RPH3AL: variants seen among roughly 807,000 people sequenced by gnomAD.
RPH3AL encodes the protein rabphilin 3A like (without C2 domains).
Under a neutral mutation model 43.1 loss-of-function variants are expected in RPH3AL, and 38 were observed. The observed-to-expected ratio is 0.88, with a 90% confidence interval of 0.68 to 1.15. The LOEUF is 1.15. RPH3AL is among the 50% of genes most tolerant of loss of function. The pLI, the probability that RPH3AL is intolerant of heterozygous loss-of-function variation, is 0.00. For synonymous variants in RPH3AL, 189 were observed against 176.3 expected, an observed-to-expected ratio of 1.07 and a Z score of -0.57; for missense variants, 462 against 423.2, an observed-to-expected ratio of 1.09 and a Z score of -0.81.
chr17:284,976 C>T (rs2042871184), intron 5 of RPH3AL, among the ~76,000 whole-genome samples: 1 of 152,198 alleles, frequency 6.6e-6, no homozygotes, highest in Admixed American at 6.5e-5. Context: ...TCCCCAGGGT[C>T]CCACCCTCAG....
At chr17:251,906 C>T (rs146115039) in intron 6 of RPH3AL, among the ~76,000 whole-genome samples, 214 of 152,250 alleles carry the variant, frequency 1.4e-3, no homozygotes, top group Middle Eastern at 0.014. Context: ...CGGCGGGGCC[C>T]GTGCAGGCTT....
chr17:283,036 G>A lies in RPH3AL; in HGVS notation c.352-1182C>T, dbSNP rs1167934693. Among the ~76,000 whole-genome samples the A allele has an allele frequency of 1.3e-5, 2 of 152,184 alleles. No individual in the cohort carries two copies. Among genetic ancestry groups the A allele is most frequent in the Admixed American group, 6.5e-5 (1 of 15,274 alleles). The stretch of plus-strand genomic sequence containing the variant: ...AGGTGGATGTGTTGGGGCTGAGACC[G>A]GCTCCAGGCTAACCCAGGCAGAGTC... On this transcript the variant is annotated intron_variant, in intron 5 of 9. Coordinates refer to ENST00000331302, the MANE Select transcript of RPH3AL (RefSeq NM_006987.4). This position sits in a 1 kb window ranked among gnomAD's most constrained non-coding sequence, Gnocchi z 4.2.
intron 8 of RPH3AL, among the ~76,000 whole-genome samples, chr17:219,192 C>CATTTT (rs2040886596): frequency 1.7e-5 from 1 of 58,018 alleles, no homozygotes; most frequent in Non-Finnish European, 2.8e-5. Flanking sequence ...ATAAACAGCA[C>CATTTT]TTTTTTTTTT....
chr17:244,890 C>G (rs1432120721), intron 7 of RPH3AL, among the ~76,000 whole-genome samples: 1 of 151,650 alleles, frequency 6.6e-6, no homozygotes, highest in Admixed American at 6.6e-5. Context: ...AGTGTGTGTG[C>G]GTGTGAATCA....
At chr17:251,773 G>A (rs557376021) in intron 6 of RPH3AL, among the ~76,000 whole-genome samples, 4 of 152,314 alleles carry the variant, frequency 2.6e-5, no homozygotes, top group South Asian at 2.1e-4. Flanking sequence ...GGCTCGCTAC[G>A]CCTCCCTCTG....
At chr17:271,126 T>C (rs1357935862) in intron 6 of RPH3AL, among the ~76,000 whole-genome samples, 1 of 152,204 alleles carries the variant, frequency 6.6e-6, no homozygotes, top group Non-Finnish European at 1.5e-5. Context: ...TTGTGTTCCA[T>C]TGGTCTATAT....
Position 219,507 on chromosome 17 carries a change from A to ATTTCT in RPH3AL, c.727+111_727+115dup, listed in dbSNP as rs1284648014. 6 of 365,152 alleles carry ATTTCT rather than the reference A, an allele frequency of 1.6e-5. 2 individuals are homozygous for ATTTCT. The South Asian group carries it at 1.9e-4, about 12-fold the overall frequency. The allele number at this position is 365,152 out of a possible 1,614,324, so 22.6% of individuals were successfully genotyped here. On this transcript the variant is annotated intron_variant, in intron 8 of 9. Coordinates refer to ENST00000331302, the MANE Select transcript of RPH3AL (RefSeq NM_006987.4). ...CCACTGTGCCCGGCCTAATAGTTTCATTTCTTTTCTTTTTCTTCCTTTTTT... is the reference window on the plus strand; with the variant it reads ...CCACTGTGCCCGGCCTAATAGTTTCATTTCTTTTCTTTTCTTTTTCTTCCTTTTTT...
chr17:246,555 C>T lies in RPH3AL; in HGVS notation c.613+556G>A, dbSNP rs555729498. Among the ~76,000 whole-genome samples the T allele has an allele frequency of 2.6e-5, 4 of 152,280 alleles. No homozygotes were observed. Among genetic ancestry groups the T allele is most frequent in the Middle Eastern group, 3.4e-3 (1 of 294 alleles). On this transcript the variant is annotated intron_variant, in intron 7 of 9. Transcript: ENST00000331302. This position sits in a 1 kb window ranked among gnomAD's most constrained non-coding sequence, Gnocchi z 4.8. ...AAACATCAAAGCATCATGAAAGCTG[C>T]GGAGAACGGTCCACAACCAGGCGCC...
chr17:260,662 T>C (rs981855378), intron 6 of RPH3AL, among the ~76,000 whole-genome samples: 5 of 152,180 alleles, frequency 3.3e-5, no homozygotes, highest in Admixed American at 1.3e-4. Context: ...CAACCCTCTC[T>C]GGCAGAGGAG....
intron 1 of RPH3AL, among the ~76,000 whole-genome samples, chr17:348,074 C>T (rs1324112287): frequency 7.3e-6 from 1 of 136,698 alleles, no homozygotes; most frequent in East Asian, 2.1e-4. Flanking sequence ...TGGGGCAACC[C>T]TTCTCTGCAA....
At chr17:336,548 C>T (rs138097611) in intron 1 of RPH3AL, among the ~76,000 whole-genome samples, 10 of 152,292 alleles carry the variant, frequency 6.6e-5, no homozygotes, top group East Asian at 1.9e-4. Context: ...TTGCCCAGAC[C>T]GTGGCAAATC....
intron 5 of RPH3AL, among the ~76,000 whole-genome samples, chr17:293,816 G>A (rs1467870423): frequency 6.6e-6 from 1 of 151,964 alleles, no homozygotes; most frequent in African/African-American, 2.4e-5. Flanking sequence ...ATCGCCTGAG[G>A]TCAGGAGTTC....
At chr17:269,294 G>A (rs568111688) in intron 6 of RPH3AL, among the ~76,000 whole-genome samples, 15 of 152,248 alleles carry the variant, frequency 9.9e-5, no homozygotes, top group South Asian at 8.3e-4. Flanking sequence ...GTGAGCCACC[G>A]TGCCTGACCT....
intron 6 of RPH3AL, among the ~76,000 whole-genome samples, chr17:251,604 C>T (rs1394638623): frequency 6.6e-6 from 1 of 152,246 alleles, no homozygotes; most frequent in Non-Finnish European, 1.5e-5. Context: ...TAGTGTCCTA[C>T]AGGCAGGACA....
intron 7 of RPH3AL, among the ~76,000 whole-genome samples, chr17:220,410 A>T (rs1316528793): frequency 1.3e-4 from 13 of 99,764 alleles, no homozygotes; most frequent in Non-Finnish European, 2.3e-4. Context: ...CCCAAGCACA[A>T]CAGCTCGGAG....
chr17:350,712 G>A (rs1160593397), intron 1 of RPH3AL, among the ~76,000 whole-genome samples: 1 of 152,230 alleles, frequency 6.6e-6, no homozygotes, highest in Non-Finnish European at 1.5e-5. Flanking sequence ...GTCCCTGAAT[G>A]CTGGTGAACT....
At position 247,289 on chromosome 17, in the gene RPH3AL, A is replaced by C; in HGVS notation, c.439-4T>G. ...AGGCCCCCGACCTCTTCCAGACCTGAGTGGGGGAAGAGAGCTGCTTGGGGC... is the reference window on the plus strand; with the variant it reads ...AGGCCCCCGACCTCTTCCAGACCTGCGTGGGGGAAGAGAGCTGCTTGGGGC... On this transcript the variant is annotated splice_polypyrimidine_tract_variant and splice_region_variant and intron_variant, in intron 6 of 9. Coordinates refer to ENST00000331302, the MANE Select transcript of RPH3AL (RefSeq NM_006987.4). 1 of 1,565,758 alleles carries C rather than the reference A, an allele frequency of 6.4e-7. No homozygotes were observed. The highest frequency in any genetic ancestry group is 8.7e-7 in the Non-Finnish European group (1 of 1,154,420).
chr17:220,124 A>G (rs1156252462), intron 7 of RPH3AL, among the ~76,000 whole-genome samples: 1 of 152,090 alleles, frequency 6.6e-6, no homozygotes, highest in African/African-American at 2.4e-5. Context: ...TCACTGAGAC[A>G]ATAGACCCAA....
chr17:313,705 G>A (rs576718231), intron 5 of RPH3AL, among the ~76,000 whole-genome samples: 3 of 152,334 alleles, frequency 2.0e-5, no homozygotes, highest in Non-Finnish European at 2.9e-5. Flanking sequence ...ACAACAGGGT[G>A]GACTGTGTCC....
Sources: gnomAD v4.1 joint callset for allele counts (sites outside exome capture counted in the v4.1 genomes callset) on GRCh38, gnomAD v4.1.1 for gene constraint, Gnocchi (gnomAD v3.1) non-coding constraint, MANE v1.5 for transcripts, NCBI Gene and HGNC (gene_info 2026-07-23, HGNC 2026-07-21) for gene names.